Variants in C4A observed in about 807,000 individuals in gnomAD.
C4A encodes complement C4-A.
Under a neutral mutation model 45.7 loss-of-function variants are expected in C4A, and 12 were observed. The ratio of observed to expected loss-of-function variants is 0.26; its 90% CI spans 0.17 to 0.43. The LOEUF (loss-of-function observed/expected upper bound fraction) is 0.43. C4A is among the 20% of genes least tolerant of loss of function. C4A has a pLI of 1.00. For missense variants in C4A, 127 were observed against 534.4 expected (o/e 0.24, Z 7.52); for synonymous variants, 66 against 230.7 (o/e 0.29, Z 6.47).
intron 30 of C4A, 78 bp downstream of exon 30, chr6:31,997,389 T>TCCC: frequency 9.0e-6 from 2 of 222,594 alleles, no homozygotes; most frequent in Non-Finnish European, 8.1e-6. Context: ...CCAGAAGCCG[T>TCCC]CCCCACCCTC....
rs777115905 is a variant in C4A at position 31,996,521 on chromosome 6, CCT to C, written c.3598_3599del (p.Leu1200AspfsTer27). The C allele has an allele frequency of 3.2e-6, 5 of 1,587,200 alleles. No individual in the cohort carries two copies. Among genetic ancestry groups the C allele is most frequent in the Non-Finnish European group, 4.3e-6 (5 of 1,157,052 alleles). On this transcript the variant is annotated frameshift_variant, in exon 28 of 41. Transcript: ENST00000428956. LOFTEE classifies it high-confidence loss of function. ...AHAAAITAYA[L>X]TLTKAPVDLL... Reference sequence around the variant, plus strand: ...ACGCAGCTGCCATCACGGCCTATGCCCTGACACTGACCAAGGCGCCTGTGGAC... The same window carrying C: ...ACGCAGCTGCCATCACGGCCTATGCCGACACTGACCAAGGCGCCTGTGGAC...
rs1436422383 is a variant in C4A at position 31,996,542 on chromosome 6, T to TGTG, written c.3620_3622dup (p.Val1207dup). On this transcript the variant is annotated inframe_insertion, in exon 28 of 41. Coordinates refer to ENST00000428956, the MANE Select transcript of C4A (RefSeq NM_007293.3). ...ATGCCCTGACACTGACCAAGGCGCCTGTGGACCTGCTCGGTGTTGCCCACA... is the reference window on the plus strand; with the variant it reads ...ATGCCCTGACACTGACCAAGGCGCCTGTGGTGGACCTGCTCGGTGTTGCCCACA... The TGTG allele has an allele frequency of 6.3e-7, 1 of 1,586,628 alleles. No individual in the cohort carries two copies. Among genetic ancestry groups the TGTG allele is most frequent in the East Asian group, 2.2e-5 (1 of 44,728 alleles).
intron 30 of C4A, 78 bp downstream of exon 30, chr6:31,997,389 TCC>T: frequency 4.5e-6 from 1 of 222,594 alleles, no homozygotes. Flanking sequence ...CCAGAAGCCG[TCC>T]CCACCCTCCC....
rs1423820470 is a variant in C4A, at chr6:31,996,196, C to T, written c.3388-11C>T. ...CCCCCTCCTGTTTGACATCTTTTCT[C>T]CCCTTACTAGGGGGGTTTGGTGGGC... On this transcript the variant is annotated splice_polypyrimidine_tract_variant and intron_variant, in intron 26 of 40. Coordinates refer to ENST00000428956, the MANE Select transcript of C4A (RefSeq NM_007293.3). 6.3e-7 allele frequency: 1 copy of T among 1,578,312 alleles called. No homozygotes were observed.
At position 31,996,037 on chromosome 6, in the gene C4A, A is replaced by T; in HGVS notation, c.3313A>T (p.Asn1105Tyr). The T allele has an allele frequency of 6.3e-7, 1 of 1,586,282 alleles. No homozygotes were observed. The highest frequency in any genetic ancestry group is 8.6e-7 in the Non-Finnish European group (1 of 1,156,180). The change falls in exon 26 of 41, where the codon AAC becomes TAC. Residue 1105 changes from asparagine (N) to tyrosine (Y), a missense_variant. Physicochemically the swap from Asn to Tyr is moderately radical, Grantham distance 143. Coordinates refer to ENST00000428956, the MANE Select transcript of C4A (RefSeq NM_007293.3). ...GCCTGAGAAACTGCAGGAGACATCT[A>T]ACTGGCTTCTGTCCCAGCAGCAGGC... is the stretch of plus-strand genomic sequence containing the variant. The part of the protein sequence containing the change: ...GSPEKLQETS[N>Y]WLLSQQQADG...
At chr6:31,995,849 G>T in intron 25 of C4A, 55 bp downstream of exon 25, 1 of 1,543,028 alleles carries the variant, frequency 6.5e-7, no homozygotes, top group South Asian at 1.1e-5. Flanking sequence ...TGGGGCAGGG[G>T]TGGGACAGAG....
chr6:31,996,248 C>G lies in C4A; in HGVS notation c.3429C>G (p.Ala1143=). Reference sequence around the variant, plus strand: ...ATGATGAGACTGTGGCACTCACAGCCTTTGTGACCATCGCCCTTCATCATG... The same window carrying G: ...ATGATGAGACTGTGGCACTCACAGCGTTTGTGACCATCGCCCTTCATCATG... ...VGNDETVALT[A]FVTIALHHGL... Residue 1143 remains alanine, a synonymous_variant, in exon 27 of 41, where the codon GCC becomes GCG. Coordinates refer to ENST00000428956, the MANE Select transcript of C4A (RefSeq NM_007293.3). The G allele has an allele frequency of 6.4e-7, 1 of 1,570,950 alleles. No individual in the cohort carries two copies. The highest frequency in any genetic ancestry group is 8.7e-7 in the Non-Finnish European group (1 of 1,144,770).
Position 31,996,418 on chromosome 6 carries a change from T to C in C4A, c.3505-11T>C. The C allele has an allele frequency of 4.4e-6, 7 of 1,587,792 alleles. 1 individual carries two copies. The highest frequency in any genetic ancestry group is 6.0e-6 in the Non-Finnish European group (7 of 1,157,994). On this transcript the variant is annotated splice_polypyrimidine_tract_variant and intron_variant, in intron 27 of 40. Coordinates refer to ENST00000428956, the MANE Select transcript of C4A (RefSeq NM_007293.3). ...GTCCAGGCCCAAGACCCTCCTCCCG[T>C]TTTCTTCCAGGAAGCCTCCATCTCA...
At chr6:31,996,663 G>A (rs1774483692) in intron 28 of C4A, 63 bp downstream of exon 28, 1 of 1,582,944 alleles carries the variant, frequency 6.3e-7, no homozygotes. Context: ...ATCCCTGAGT[G>A]TGCCCAGAGG....
Position 31,996,566 on chromosome 6 carries a change from C to G in C4A, c.3642C>G (p.His1214Gln). The G allele has an allele frequency of 1.9e-6, 3 of 1,588,764 alleles. 1 individual carries two copies. The highest frequency in any genetic ancestry group is 2.6e-6 in the Non-Finnish European group (3 of 1,158,446). The part of the protein sequence containing the change: ...KAPVDLLGVA[H>Q]NNLMAMAQET... ...CTGTGGACCTGCTCGGTGTTGCCCACAACAACCTCATGGCAATGGCCCAGG... is the reference window on the plus strand; with the variant it reads ...CTGTGGACCTGCTCGGTGTTGCCCAGAACAACCTCATGGCAATGGCCCAGG... The change falls in exon 28 of 41, where the codon CAC becomes CAG. Residue 1214 changes from histidine to glutamine, a missense_variant. Physicochemically the swap from His to Gln is conservative, Grantham distance 24. Transcript: ENST00000428956.
In C4A at chr6:31,996,072, G is replaced by A. The variant is rs758158004; in HGVS notation, c.3348G>A (p.Ser1116=). The A allele has an allele frequency of 5.5e-5, 87 of 1,587,372 alleles. 8 individuals carry two copies. Among genetic ancestry groups the A allele is most frequent in the Admixed American group, 2.3e-4 (14 of 59,652 alleles). ...TGTCCCAGCAGCAGGCTGACGGCTCGTTCCAGGACCCCTGTCCAGTGTTAG... is the reference window on the plus strand; with the variant it reads ...TGTCCCAGCAGCAGGCTGACGGCTCATTCCAGGACCCCTGTCCAGTGTTAG... The part of the protein sequence containing the change: ...WLLSQQQADG[S]FQDPCPVLDR... Residue 1116 remains serine (S), a synonymous_variant, in exon 26 of 41, where the codon TCG becomes TCA. Coordinates refer to ENST00000428956, the MANE Select transcript of C4A (RefSeq NM_007293.3).
rs753376870 is a variant in C4A at position 31,996,416 on chromosome 6, C to T, written c.3505-13C>T. 3.0e-5 allele frequency: 47 copies of T among 1,587,530 alleles called. 4 individuals are homozygous for T. The highest frequency in any genetic ancestry group is 5.5e-5 in the South Asian group (5 of 90,946). ...GGGTCCAGGCCCAAGACCCTCCTCC[C>T]GTTTTCTTCCAGGAAGCCTCCATCT... is the stretch of plus-strand genomic sequence containing the variant. On this transcript the variant is annotated splice_polypyrimidine_tract_variant and intron_variant, in intron 27 of 40. Coordinates refer to ENST00000428956, the MANE Select transcript of C4A (RefSeq NM_007293.3).
chr6:31,996,558 G>A lies in C4A; in HGVS notation c.3634G>A (p.Val1212Ile). 2 of 1,588,294 alleles carry A rather than the reference G, an allele frequency of 1.3e-6. 1 individual carries two copies. The highest frequency in any genetic ancestry group is 1.7e-6 in the Non-Finnish European group (2 of 1,158,022). The change falls in exon 28 of 41, where the codon GTT (valine) becomes ATT (isoleucine). Residue 1212 changes from valine (V) to isoleucine (I), a missense_variant. Transcript: ENST00000428956. ...CAAGGCGCCTGTGGACCTGCTCGGT[G>A]TTGCCCACAACAACCTCATGGCAAT... Reference protein sequence around the residue: ...LTKAPVDLLGVAHNNLMAMAQ... With the variant: ...LTKAPVDLLGIAHNNLMAMAQ...
chr6:31,996,028 G>C lies in C4A; in HGVS notation c.3304G>C (p.Glu1102Gln). The C allele has an allele frequency of 6.3e-7, 1 of 1,585,650 alleles. No homozygotes were observed. Among genetic ancestry groups the C allele is most frequent in the Non-Finnish European group, 8.7e-7 (1 of 1,155,928 alleles). ...QVGGSPEKLQ[E>Q]TSNWLLSQQQ... ...AGGAGGCTCGCCTGAGAAACTGCAG[G>C]AGACATCTAACTGGCTTCTGTCCCA... is the stretch of plus-strand genomic sequence containing the variant. The change falls in exon 26 of 41, where the codon GAG (glutamate) becomes CAG (glutamine). Residue 1102 changes from glutamate to glutamine, a missense_variant. Physicochemically the swap from Glu to Gln is conservative, Grantham distance 29 (BLOSUM62 2). Transcript: ENST00000428956.
At position 31,996,528 on chromosome 6, in the gene C4A, C is replaced by T. The variant is rs1446628013; in HGVS notation, c.3604C>T (p.Leu1202=). The part of the protein sequence containing the change: ...AAAITAYALT[L]TKAPVDLLGV... ...TGCCATCACGGCCTATGCCCTGACA[C>T]TGACCAAGGCGCCTGTGGACCTGCT... Residue 1202 remains leucine, a synonymous_variant, in exon 28 of 41, where the codon CTG becomes TTG. Coordinates refer to ENST00000428956, the MANE Select transcript of C4A (RefSeq NM_007293.3). 2 of 1,586,714 alleles carry T rather than the reference C, an allele frequency of 1.3e-6. No individual in the cohort carries two copies. Among genetic ancestry groups the T allele is most frequent in the African/African-American group, 1.4e-5 (1 of 73,132 alleles).
At position 31,996,105 on chromosome 6, in the gene C4A, C is replaced by T. The variant is rs768996389; in HGVS notation, c.3381C>T (p.Ser1127=). Residue 1127 remains serine (S), a synonymous_variant, in exon 26 of 41, where the codon AGC becomes AGT. Coordinates refer to ENST00000428956, the MANE Select transcript of C4A (RefSeq NM_007293.3). ...FQDPCPVLDR[S]MQGGLVGNDE... is the part of the protein sequence containing the mutation. ...ACCCCTGTCCAGTGTTAGACAGGAG[C>T]ATGCAGGTGCGGGCATGCTGGGGCT... is the stretch of plus-strand genomic sequence containing the variant. 3.1e-6 allele frequency: 5 copies of T among 1,587,648 alleles called. No individual in the cohort carries two copies. The highest frequency in any genetic ancestry group is 2.2e-5 in the South Asian group (2 of 90,788).
chr6:31,995,819 G>C, intron 25 of C4A, 25 bp downstream of exon 25: 1 of 1,578,698 alleles, frequency 6.3e-7, no homozygotes. Flanking sequence ...GTGGTTCCAG[G>C]GTTCTGAGGG....
rs369270555 is a variant in C4A at position 31,996,223 on chromosome 6, A to G, written c.3404A>G (p.Asn1135Ser). The G allele has an allele frequency of 2.4e-5, 38 of 1,572,694 alleles. 5 individuals are homozygous for G. Among genetic ancestry groups the G allele is most frequent in the Middle Eastern group, 3.8e-4 (2 of 5,266 alleles). The change falls in exon 27 of 41, where the codon AAT becomes AGT. Residue 1135 changes from asparagine (N) to serine (S), a missense_variant. Transcript: ENST00000428956. Reference sequence around the variant, plus strand: ...CCTTACTAGGGGGGTTTGGTGGGCAATGATGAGACTGTGGCACTCACAGCC... The same window carrying G: ...CCTTACTAGGGGGGTTTGGTGGGCAGTGATGAGACTGTGGCACTCACAGCC... ...DRSMQGGLVG[N>S]DETVALTAFV... is the part of the protein sequence containing the mutation.
chr6:31,996,511 C>T lies in C4A; in HGVS notation c.3587C>T (p.Thr1196Met), dbSNP rs373949324. 2.6e-5 allele frequency: 42 copies of T among 1,587,892 alleles called. 3 individuals are homozygous for T. Among genetic ancestry groups the T allele is most frequent in the African/African-American group, 1.8e-4 (13 of 73,328 alleles). ...CTGGGTGCCCACGCAGCTGCCATCA[C>T]GGCCTATGCCCTGACACTGACCAAG... Reference protein sequence around the residue: ...GLLGAHAAAITAYALTLTKAP... With the variant: ...GLLGAHAAAIMAYALTLTKAP... The change falls in exon 28 of 41, where the codon ACG becomes ATG. Residue 1196 changes from threonine to methionine, a missense_variant. By Grantham distance (81) the Thr-to-Met change is moderately conservative (BLOSUM62 -1). Transcript: ENST00000428956.
Sources: gnomAD v4.1 joint callset for allele counts on GRCh38, gnomAD v4.1.1 for gene constraint, MANE v1.5 for transcripts, NCBI Gene and HGNC (gene_info 2026-07-23, HGNC 2026-07-21) for gene names.